Variants in RPS6KC1 observed in about 807,000 individuals in gnomAD.
The protein encoded by RPS6KC1 is ribosomal protein S6 kinase C1, also known as inactive ribosomal protein S6 kinase delta-1.
RPS6KC1 carries 54 observed loss-of-function variants against 103.8 expected under a neutral mutation model. The ratio of observed to expected loss-of-function variants is 0.52; its 90% CI spans 0.42 to 0.65. The LOEUF (loss-of-function observed/expected upper bound fraction) is 0.65, where lower values mean the gene tolerates loss of function less well. RPS6KC1 is among the 30% of genes least tolerant of loss of function. The pLI is 0.00. For missense variants in RPS6KC1, 1,151 were observed against 1,253.8 expected (o/e 0.92, Z 1.24); for synonymous variants, 439 against 438.7 (o/e 1.00, Z -0.01).
At chr1:213,829,972 C>G in the RPS6KC1 span, among the ~76,000 whole-genome samples, 83 of 152,350 alleles carry the variant, frequency 5.4e-4, no homozygotes, top group South Asian at 0.017. Context: ...CTCACCCCAT[C>G]TGCCGAGACT....
intron 6 of RPS6KC1, among the ~76,000 whole-genome samples, chr1:213,159,128 C>A (rs191855075): frequency 2.0e-5 from 3 of 151,744 alleles, no homozygotes; most frequent in Non-Finnish European, 4.4e-5. Flanking sequence ...AAAAAACAAC[C>A]CTTAAACTTC....
At chr1:213,628,056 A>T in the RPS6KC1 span, among the ~76,000 whole-genome samples, 2 of 152,042 alleles carry the variant, frequency 1.3e-5, no homozygotes, top group African/African-American at 2.4e-5. Context: ...CTGGTCCTGG[A>T]CTTTTTTTGG....
chr1:213,765,881 T>A, the RPS6KC1 span, among the ~76,000 whole-genome samples: 1 of 152,344 alleles, frequency 6.6e-6, no homozygotes, highest in African/African-American at 2.4e-5. Context: ...CTGTAAGTTA[T>A]TTGTTCTTCA....
At chr1:213,147,673 AT>A (rs2088039914) in intron 6 of RPS6KC1, among the ~76,000 whole-genome samples, 1 of 152,176 alleles carries the variant, frequency 6.6e-6, no homozygotes. Context: ...CACTTTGGCT[AT>A]TCTGGATCTT....
intron 8 of RPS6KC1, among the ~76,000 whole-genome samples, chr1:213,196,912 CT>C (rs1474436985): frequency 1.3e-5 from 2 of 152,186 alleles, no homozygotes; most frequent in African/African-American, 4.8e-5. Flanking sequence ...TCTCGGCTCA[CT>C]GCAACCTCCG....
At chr1:213,854,139 C>T in the RPS6KC1 span, among the ~76,000 whole-genome samples, 8 of 152,162 alleles carry the variant, frequency 5.3e-5, no homozygotes, top group African/African-American at 9.7e-5. Flanking sequence ...GATAGGACCT[C>T]GGGGACAGCT....
chr1:213,294,344 C>G, the RPS6KC1 span, among the ~76,000 whole-genome samples: 1 of 152,144 alleles, frequency 6.6e-6, no homozygotes, highest in Non-Finnish European at 1.5e-5. Flanking sequence ...CATTTAGGGC[C>G]TCTTATCTCT....
At chr1:213,633,412 G>C in the RPS6KC1 span, among the ~76,000 whole-genome samples, 6 of 152,170 alleles carry the variant, frequency 3.9e-5, no homozygotes, top group Admixed American at 1.3e-4. Context: ...TTAAAGAAAA[G>C]AATTTTCAAC....
chr1:213,135,245 T>C (rs1235551031), intron 6 of RPS6KC1, among the ~76,000 whole-genome samples: 1 of 152,168 alleles, frequency 6.6e-6, no homozygotes, highest in Non-Finnish European at 1.5e-5. Flanking sequence ...ATTGAACCAC[T>C]CTGGAATTCC....
At chr1:213,068,483 C>CAAAAA (rs71147057) in intron 1 of RPS6KC1, among the ~76,000 whole-genome samples, 4 of 36,348 alleles carry the variant, frequency 1.1e-4, no homozygotes, top group African/African-American at 4.5e-4. Flanking sequence ...GACTCTGTCT[C>CAAAAA]AAAAAAAAAA....
At chr1:213,149,641 T>G (rs2088385310) in intron 6 of RPS6KC1, among the ~76,000 whole-genome samples, 1 of 152,242 alleles carries the variant, frequency 6.6e-6, no homozygotes, top group Admixed American at 6.5e-5. Flanking sequence ...TGAAATGTCC[T>G]GTAAATATCT....
chr1:213,423,438 C>T, the RPS6KC1 span, among the ~76,000 whole-genome samples: 2 of 152,174 alleles, frequency 1.3e-5, no homozygotes, highest in African/African-American at 4.8e-5. Flanking sequence ...GCAGCAGCAT[C>T]GGATCTGAGG....
chr1:213,483,556 A>G, the RPS6KC1 span, among the ~76,000 whole-genome samples: 1 of 152,236 alleles, frequency 6.6e-6, no homozygotes, highest in East Asian at 1.9e-4. Flanking sequence ...GACACTGCCA[A>G]ACTTTTTCAA....
chr1:213,759,872 C>G, the RPS6KC1 span, among the ~76,000 whole-genome samples: 1 of 152,222 alleles, frequency 6.6e-6, no homozygotes, highest in Non-Finnish European at 1.5e-5. Context: ...CTCCTTCTCC[C>G]TCACCTAGCA....
intron 13 of RPS6KC1, among the ~76,000 whole-genome samples, chr1:213,262,266 T>A (rs541625111): frequency 1.1e-4 from 16 of 152,200 alleles, no homozygotes; most frequent in Admixed American, 8.5e-4. Context: ...GTGTAGATAA[T>A]ACTGACCTAA....
rs759176388 is a variant in RPS6KC1 at position 213,242,242 on chromosome 1, A to C, written c.2766A>C (p.Arg922Ser). 7.4e-6 allele frequency: 12 copies of C among 1,613,866 alleles called. No homozygotes were observed. The highest frequency in any genetic ancestry group is 6.7e-5 in the Admixed American group (4 of 59,966). ...TGGTAGCCCTTGATGCTTTACATAGAGAGGGAATTGTGTGCCGCGATTTGA... is the reference window on the plus strand; with the variant it reads ...TGGTAGCCCTTGATGCTTTACATAGCGAGGGAATTGTGTGCCGCGATTTGA... The part of the protein sequence containing the change: ...EMVVALDALH[R>S]EGIVCRDLNP... Residue 922 changes from arginine (R) to serine (S), a missense_variant, in exon 11 of 15, where the codon AGA (arginine) becomes AGC (serine). This residue lies in a region of RPS6KC1 where 189 missense variants were observed against 228.8 expected (regional missense o/e 0.83). Coordinates refer to ENST00000366960, the MANE Select transcript of RPS6KC1 (RefSeq NM_012424.6).
At chr1:213,603,962 A>G in the RPS6KC1 span, among the ~76,000 whole-genome samples, 2 of 152,190 alleles carry the variant, frequency 1.3e-5, no homozygotes, top group African/African-American at 4.8e-5. Flanking sequence ...GAGAGAACCA[A>G]ACTAATTGGG....
At chr1:213,303,426 G>A in the RPS6KC1 span, among the ~76,000 whole-genome samples, 4 of 152,124 alleles carry the variant, frequency 2.6e-5, no homozygotes, top group Non-Finnish European at 4.4e-5. Context: ...ACTCCTCCCA[G>A]CTCTGAGGTG....
At chr1:213,117,534 C>G (rs2083804214) in intron 5 of RPS6KC1, 124 bp downstream of exon 5, 1 of 525,170 alleles carries the variant, frequency 1.9e-6, no homozygotes. Flanking sequence ...TTCTAAGATG[C>G]TTTTTTTCTT....
Sources: gnomAD v4.1 joint callset for allele counts (sites outside exome capture counted in the v4.1 genomes callset) on GRCh38, gnomAD v4.1.1 for gene constraint, gnomAD v4.1.1 regional missense constraint, MANE v1.5 for transcripts, NCBI Gene and HGNC (gene_info 2026-07-23, HGNC 2026-07-21) for gene names.